The following ITGA1 variants were observed in gnomAD, a reference collection of about 807,000 sequenced individuals.
The protein encoded by ITGA1 is integrin subunit alpha 1.
In ITGA1, 85 loss-of-function variants were observed where a neutral mutation model predicts 145.9. The ratio of observed to expected loss-of-function variants is 0.58; its 90% CI spans 0.49 to 0.70. The LOEUF is 0.70. ITGA1 is among the 30% of genes least tolerant of loss of function. ITGA1 has a pLI of 0.00. For missense variants in ITGA1, 1,351 were observed against 1,418.7 expected, an observed-to-expected ratio of 0.95 and a Z score of 0.77; for synonymous variants, 520 against 495.3, an observed-to-expected ratio of 1.05 and a Z score of -0.66.
At chr5:52,877,149 G>A (rs529431070) in intron 6 of ITGA1, among the ~76,000 whole-genome samples, 13 of 152,016 alleles carry the variant, frequency 8.6e-5, no homozygotes, top group Admixed American at 2.6e-4. Context: ...AGTATATTTC[G>A]AAGTCATTGA....
intron 6 of ITGA1, among the ~76,000 whole-genome samples, chr5:52,877,805 C>T (rs1749890797): frequency 1.3e-5 from 2 of 152,238 alleles, no homozygotes; most frequent in South Asian, 4.1e-4. Context: ...AAGCCAAGAA[C>T]CCTTGTGGGC....
chr5:52,926,691 G>A (rs1177072565), intron 19 of ITGA1, among the ~76,000 whole-genome samples: 2 of 152,000 alleles, frequency 1.3e-5, no homozygotes, highest in East Asian at 3.9e-4. Context: ...TTTTTCTCTA[G>A]TAAAAATTAT....
At chr5:52,801,423 C>A in intron 1 of ITGA1, 1 of 1,612,114 alleles carries the variant, frequency 6.2e-7, no homozygotes, top group Non-Finnish European at 8.5e-7. Context: ...ATGCCTCCTC[C>A]GGACACAAGT....
chr5:52,932,369 A>C (rs1272871227), intron 22 of ITGA1: 10 of 400,940 alleles, frequency 2.5e-5, no homozygotes, highest in African/African-American at 1.6e-4. Context: ...AATAACCCAA[A>C]GTGTTAGGTG....
intron 1 of ITGA1, among the ~76,000 whole-genome samples, chr5:52,831,294 C>T (rs575594277): frequency 6.6e-6 from 1 of 151,988 alleles, no homozygotes; most frequent in South Asian, 2.1e-4. Flanking sequence ...CACCACACCT[C>T]GGCTAATTTT....
At chr5:52,824,648 C>T (rs1295386717) in intron 1 of ITGA1, 1 of 152,104 alleles carries the variant, frequency 6.6e-6, no homozygotes, top group Non-Finnish European at 1.5e-5. Flanking sequence ...TGTACTTTTA[C>T]CCCATGCTAG....
chr5:52,799,429 G>A (rs1318178917), intron 1 of ITGA1, among the ~76,000 whole-genome samples: 1 of 152,170 alleles, frequency 6.6e-6, no homozygotes, highest in Non-Finnish European at 1.5e-5. Flanking sequence ...AGGCTACTGG[G>A]CTGCGGAAAG....
At chr5:52,788,461 G>A in intron 1 of ITGA1, 47 bp downstream of exon 1, 1 of 1,410,190 alleles carries the variant, frequency 7.1e-7, no homozygotes, top group South Asian at 1.4e-5. Context: ...GCGGGCTTGG[G>A]GCTTGGAGCG....
intron 1 of ITGA1, chr5:52,801,733 G>C: frequency 6.2e-7 from 1 of 1,614,066 alleles, no homozygotes; most frequent in Non-Finnish European, 8.5e-7. Flanking sequence ...TAGTCTTCAC[G>C]TTTCTGGGGA....
At chr5:52,912,533 TATAGGTATTATATATAGTGTATCCAC>T (rs1750576375) in intron 14 of ITGA1, among the ~76,000 whole-genome samples, 1 of 125,200 alleles carries the variant, frequency 8.0e-6, no homozygotes, top group African/African-American at 3.0e-5. Context: ...GTGTATCCAC[TATAGGTATTATATATAGTGTATCCAC>T]TATAGGTATT....
At chr5:52,797,364 C>T (rs1291972292) in intron 1 of ITGA1, among the ~76,000 whole-genome samples, 1 of 151,270 alleles carries the variant, frequency 6.6e-6, no homozygotes, top group Non-Finnish European at 1.5e-5. Flanking sequence ...AAGGGTTTTT[C>T]ACAGGTTTCT....
intron 1 of ITGA1, among the ~76,000 whole-genome samples, chr5:52,811,145 T>C (rs1330436947): frequency 2.0e-5 from 3 of 152,208 alleles, no homozygotes; most frequent in Non-Finnish European, 4.4e-5. Context: ...TGCAAGAACA[T>C]TGCATTTGTG....
chr5:52,797,864 G>A (rs767144707), intron 1 of ITGA1, among the ~76,000 whole-genome samples: 2 of 152,166 alleles, frequency 1.3e-5, no homozygotes, highest in Non-Finnish European at 2.9e-5. Context: ...CATTCAATAC[G>A]TGATAGCTCT....
chr5:52,907,081 G>A (rs925745703), intron 12 of ITGA1, among the ~76,000 whole-genome samples: 1 of 152,152 alleles, frequency 6.6e-6, no homozygotes, highest in African/African-American at 2.4e-5. Flanking sequence ...CAATATTCCA[G>A]TAAGAGGTTA....
intron 6 of ITGA1, among the ~76,000 whole-genome samples, chr5:52,880,647 A>G (rs1749942620): frequency 6.6e-6 from 1 of 152,242 alleles, no homozygotes; most frequent in African/African-American, 2.4e-5. Flanking sequence ...TTTGCTCTAA[A>G]GCAAGTAACA....
Position 52,956,712 on chromosome 5 carries a change from A to G in ITGA1, c.*4261A>G, listed in dbSNP as rs993649841. 1.3e-5 allele frequency: 2 copies of G among 152,206 alleles called. No homozygotes were observed. The highest frequency in any genetic ancestry group is 2.9e-5 in the Non-Finnish European group (2 of 68,068). The allele number at this position is 152,206 out of a possible 1,614,324, so 9.4% of individuals were successfully genotyped here. ...AGCTCTTCAATGGCCCTCCAAATGC[A>G]CCCAACAATCGCCAACCTCACCCAT... On this transcript the variant is annotated 3_prime_UTR_variant, in exon 29 of 29. Coordinates refer to ENST00000282588, the MANE Select transcript of ITGA1 (RefSeq NM_181501.2).
intron 7 of ITGA1, among the ~76,000 whole-genome samples, chr5:52,885,830 T>C (rs1268724003): frequency 6.6e-6 from 1 of 152,246 alleles, no homozygotes; most frequent in Non-Finnish European, 1.5e-5. Context: ...GTAAAGTCTC[T>C]AGTTAGAAGT....
intron 9 of ITGA1, among the ~76,000 whole-genome samples, chr5:52,896,543 A>G (rs1750229010): frequency 6.6e-6 from 1 of 152,152 alleles, no homozygotes; most frequent in Admixed American, 6.5e-5. Context: ...ATAACTAACA[A>G]ATAGTTACAT....
intron 17 of ITGA1, among the ~76,000 whole-genome samples, chr5:52,922,182 TC>T (rs1192012783): frequency 8.3e-6 from 1 of 120,666 alleles, no homozygotes; most frequent in Admixed American, 8.4e-5. Flanking sequence ...ATGCCTGTAA[TC>T]CCAGCTAGTC....
Sources: allele counts gnomAD v4.1 joint callset (sites outside exome capture counted in the v4.1 genomes callset), GRCh38; gene constraint gnomAD v4.1.1; transcripts MANE v1.5; gene names NCBI Gene and HGNC (gene_info 2026-07-23, HGNC 2026-07-21).